Variants in LRRC4C observed in about 807,000 individuals in gnomAD.
LRRC4C encodes the protein leucine-rich repeat-containing protein 4C.
Under a neutral mutation model 33.6 loss-of-function variants are expected in LRRC4C, and 5 were observed. The observed-to-expected ratio is 0.15, with a 90% confidence interval of 0.08 to 0.31. LRRC4C has a LOEUF of 0.31. LRRC4C is among the 10% of genes least tolerant of loss of function. The pLI is 1.00. For synonymous variants in LRRC4C, 329 were observed against 302.0 expected (o/e 1.09, Z -0.93); for missense variants, 560 against 796.7 (o/e 0.70, Z 3.58).
At chr11:40,220,877 G>GTTTT (rs5791363) in intron 5 of LRRC4C, among the ~76,000 whole-genome samples, 1 of 141,590 alleles carries the variant, frequency 7.1e-6, no homozygotes. Context: ...TGTGTTTTTG[G>GTTTT]TTTTTTTTTT....
intron 3 of LRRC4C, among the ~76,000 whole-genome samples, chr11:40,402,151 G>A (rs927554937): frequency 6.6e-6 from 1 of 152,052 alleles, no homozygotes; most frequent in Admixed American, 6.6e-5. Flanking sequence ...ATGTCTAAAA[G>A]AAAGCAGTCT....
chr11:40,782,150 T>C (rs889442057), intron 2 of LRRC4C, among the ~76,000 whole-genome samples: 1 of 152,206 alleles, frequency 6.6e-6, no homozygotes, highest in African/African-American at 2.4e-5. Context: ...CTGTCAGCTT[T>C]TCAACTTGTT....
chr11:41,021,795 C>T (rs1038359109), intron 1 of LRRC4C, among the ~76,000 whole-genome samples: 2 of 151,986 alleles, frequency 1.3e-5, no homozygotes. Flanking sequence ...AAAACATCCC[C>T]TCCCCACACC....
chr11:40,317,935 C>G (rs1945657662), intron 4 of LRRC4C, among the ~76,000 whole-genome samples: 1 of 152,084 alleles, frequency 6.6e-6, no homozygotes, highest in Admixed American at 6.5e-5. Context: ...AAAGTGAACA[C>G]AGGCAGGATC....
At chr11:41,306,806 T>G (rs757900930) in intron 1 of LRRC4C, among the ~76,000 whole-genome samples, 3 of 152,240 alleles carry the variant, frequency 2.0e-5, no homozygotes, top group African/African-American at 2.4e-5. Flanking sequence ...ACTGTAACTT[T>G]GCATATCATG....
intron 1 of LRRC4C, among the ~76,000 whole-genome samples, chr11:40,957,109 C>A (rs369424281): frequency 1.3e-5 from 2 of 151,770 alleles, no homozygotes; most frequent in African/African-American, 4.8e-5. Flanking sequence ...TGGGACTCAA[C>A]CATGTTCTGA....
At chr11:40,585,668 T>C (rs917255230) in intron 3 of LRRC4C, among the ~76,000 whole-genome samples, 2 of 129,228 alleles carry the variant, frequency 1.5e-5, no homozygotes, top group Non-Finnish European at 3.2e-5. Flanking sequence ...TTCCCCTTCC[T>C]GTGTCCATGT....
intron 2 of LRRC4C, among the ~76,000 whole-genome samples, chr11:40,777,091 G>A (rs1950030396): frequency 6.6e-6 from 1 of 152,162 alleles, no homozygotes; most frequent in African/African-American, 2.4e-5. Context: ...CTGAGAGTAT[G>A]GTTGGGATGA....
intron 1 of LRRC4C, among the ~76,000 whole-genome samples, chr11:41,379,853 T>A (rs1953077625): frequency 6.6e-6 from 1 of 152,136 alleles, no homozygotes; most frequent in Non-Finnish European, 1.5e-5. Context: ...GAAATTTAGT[T>A]CTCTCCTTAG....
chr11:40,912,834 A>C (rs1956764196), intron 2 of LRRC4C, among the ~76,000 whole-genome samples: 1 of 152,204 alleles, frequency 6.6e-6, no homozygotes, highest in Non-Finnish European at 1.5e-5. Flanking sequence ...TAGGCTCAAA[A>C]TAAAGGGATG....
At chr11:40,561,974 A>T (rs1378665011) in intron 3 of LRRC4C, among the ~76,000 whole-genome samples, 1 of 152,240 alleles carries the variant, frequency 6.6e-6, no homozygotes, top group Non-Finnish European at 1.5e-5. Flanking sequence ...GTTTACAACA[A>T]ACATAGTTAT....
chr11:40,172,223 T>C (rs1212779969), intron 5 of LRRC4C, among the ~76,000 whole-genome samples: 2 of 152,200 alleles, frequency 1.3e-5, no homozygotes, highest in African/African-American at 4.8e-5. Flanking sequence ...GAACATTCTG[T>C]TATTTATAAA....
chr11:40,779,214 C>G (rs1386962946), intron 2 of LRRC4C, among the ~76,000 whole-genome samples: 1 of 152,012 alleles, frequency 6.6e-6, no homozygotes, highest in African/African-American at 2.4e-5. Flanking sequence ...AGAGAAGAGA[C>G]TCAAAGATGA....
At chr11:40,668,131 A>G (rs977475698) in intron 2 of LRRC4C, among the ~76,000 whole-genome samples, 1 of 152,210 alleles carries the variant, frequency 6.6e-6, no homozygotes, top group Non-Finnish European at 1.5e-5. Context: ...AGATTTCCAC[A>G]TGCTTCTGAT....
At chr11:40,847,511 T>G (rs1294346461) in intron 2 of LRRC4C, among the ~76,000 whole-genome samples, 1 of 152,156 alleles carries the variant, frequency 6.6e-6, no homozygotes, top group Non-Finnish European at 1.5e-5. Flanking sequence ...TTGATCGTGG[T>G]GGATAAGCTT....
intron 1 of LRRC4C, among the ~76,000 whole-genome samples, chr11:41,168,506 A>T (rs1412087479): frequency 6.6e-6 from 1 of 152,148 alleles, no homozygotes; most frequent in Non-Finnish European, 1.5e-5. Context: ...ATTGTTTTCA[A>T]TCTCTAATCT....
At chr11:40,565,859 T>C (rs1217276864) in intron 3 of LRRC4C, among the ~76,000 whole-genome samples, 1 of 152,106 alleles carries the variant, frequency 6.6e-6, no homozygotes, top group African/African-American at 2.4e-5. Context: ...GGAGGAAAAA[T>C]TTTAAAAAAG....
chr11:40,429,397 C>T (rs550280405), intron 3 of LRRC4C, among the ~76,000 whole-genome samples: 9 of 152,232 alleles, frequency 5.9e-5, no homozygotes, highest in South Asian at 4.1e-4. Context: ...AAACTCCTTT[C>T]ACTTATTTAC....
intron 1 of LRRC4C, among the ~76,000 whole-genome samples, chr11:41,170,392 G>T (rs904048955): frequency 1.3e-5 from 2 of 152,088 alleles, no homozygotes; most frequent in African/African-American, 2.4e-5. Context: ...GCATGGTACT[G>T]GTACCAAAAC....
Sources: gnomAD v4.1 joint callset for allele counts (sites outside exome capture counted in the v4.1 genomes callset) on GRCh38, gnomAD v4.1.1 for gene constraint, MANE v1.5 for transcripts, NCBI Gene and HGNC (gene_info 2026-07-23, HGNC 2026-07-21) for gene names.